Variants in ADGRL3 observed in about 807,000 individuals in gnomAD.
ADGRL3 encodes the protein calcium-independent alpha-latrotoxin receptor 3.
Under a neutral mutation model 153.5 loss-of-function variants are expected in ADGRL3, and 62 were observed. The ratio of observed to expected loss-of-function variants is 0.40; its 90% CI spans 0.33 to 0.50. ADGRL3 has a LOEUF of 0.50. Ranked by LOEUF, ADGRL3 falls within the 20% of genes least tolerant of loss-of-function variation. The probability of loss-of-function intolerance (pLI) is 0.47; values close to 1 mark genes in which losing one functional copy is unlikely to be tolerated. For missense variants in ADGRL3, 1,641 were observed against 1,859.4 expected, an observed-to-expected ratio of 0.88 and a Z score of 2.16; for synonymous variants, 710 against 672.5, an observed-to-expected ratio of 1.06 and a Z score of -0.86.
chr4:61,223,894 A>G (rs1240013485), intron 1 of ADGRL3, among the ~76,000 whole-genome samples: 2 of 152,188 alleles, frequency 1.3e-5, no homozygotes, highest in African/African-American at 4.8e-5. Flanking sequence ...ATGAGTTTAT[A>G]AAATGCTAGG....
intron 19 of ADGRL3, among the ~76,000 whole-genome samples, chr4:61,986,885 G>A (rs1294796848): frequency 6.6e-6 from 1 of 152,036 alleles, no homozygotes; most frequent in Non-Finnish European, 1.5e-5. Context: ...TTTTCCCACT[G>A]AAGAAGCAGA....
intron 24 of ADGRL3, among the ~76,000 whole-genome samples, chr4:62,043,963 AT>A (rs972698957): frequency 6.6e-6 from 1 of 151,980 alleles, no homozygotes; most frequent in Non-Finnish European, 1.5e-5. Flanking sequence ...GTTCAGTAGC[AT>A]TTTAATAATG....
intron 4 of ADGRL3, among the ~76,000 whole-genome samples, chr4:61,540,973 G>C (rs2098687200): frequency 6.6e-6 from 1 of 152,154 alleles, no homozygotes; most frequent in Non-Finnish European, 1.5e-5. Context: ...AGCTGTATAT[G>C]TTTAGTCACA....
intron 4 of ADGRL3, among the ~76,000 whole-genome samples, chr4:61,585,659 G>A (rs1230859424): frequency 1.3e-5 from 2 of 151,984 alleles, no homozygotes; most frequent in Non-Finnish European, 2.9e-5. Flanking sequence ...TTGACAGTTA[G>A]TAAACGCTTC....
intron 2 of ADGRL3, among the ~76,000 whole-genome samples, chr4:61,469,417 C>T (rs2097919362): frequency 6.6e-6 from 1 of 152,030 alleles, no homozygotes; most frequent in Non-Finnish European, 1.5e-5. Context: ...CCATTTCTGA[C>T]TAAGTAAAGA....
rs1326313636 is a variant in ADGRL3, at chr4:62,077,044, C to A, written c.*6136C>A. The A allele has an allele frequency of 6.6e-6, 1 of 151,756 alleles. No individual in the cohort carries two copies. The highest frequency in any genetic ancestry group is 1.5e-5 in the Non-Finnish European group (1 of 67,838). The allele number at this position is 151,756 out of a possible 1,614,324, so 9.4% of individuals were successfully genotyped here. ...CCAAATATTACTCTCAAGTTCTCTG[C>A]CTTTAATTATTATAGTCAATTCATA... On this transcript the variant is annotated 3_prime_UTR_variant, in exon 27 of 27. Coordinates refer to ENST00000683033, the MANE Select transcript of ADGRL3 (RefSeq NM_001387552.1).
chr4:61,728,264 C>A (rs1463813366), intron 6 of ADGRL3, among the ~76,000 whole-genome samples: 1 of 152,026 alleles, frequency 6.6e-6, no homozygotes, highest in Non-Finnish European at 1.5e-5. Flanking sequence ...CCTAATAAAT[C>A]TTCATTTTGA....
chr4:61,336,358 T>A (rs1427223596), intron 1 of ADGRL3, among the ~76,000 whole-genome samples: 2 of 152,194 alleles, frequency 1.3e-5, no homozygotes, highest in Admixed American at 6.5e-5. Flanking sequence ...TTGGTTGTTA[T>A]CCACACTCCA....
intron 1 of ADGRL3, among the ~76,000 whole-genome samples, chr4:61,265,737 T>C (rs2149687607): frequency 6.6e-6 from 1 of 152,008 alleles, no homozygotes; most frequent in African/African-American, 2.4e-5. Flanking sequence ...TAACATACTG[T>C]AGAGGTTCGT....
chr4:61,513,829 G>T (rs1256467378), intron 3 of ADGRL3, among the ~76,000 whole-genome samples: 2 of 152,108 alleles, frequency 1.3e-5, no homozygotes, highest in Non-Finnish European at 2.9e-5. Flanking sequence ...TGGATAGAAA[G>T]AACAAGATGC....
chr4:61,745,249 T>G (rs2096640125), intron 8 of ADGRL3, among the ~76,000 whole-genome samples: 1 of 152,146 alleles, frequency 6.6e-6, no homozygotes, highest in South Asian at 2.1e-4. Flanking sequence ...TACCTGAAAG[T>G]GATGGGGAGA....
At chr4:61,885,597 T>C (rs1401750850) in intron 9 of ADGRL3, among the ~76,000 whole-genome samples, 2 of 152,202 alleles carry the variant, frequency 1.3e-5, no homozygotes, top group Non-Finnish European at 2.9e-5. Flanking sequence ...GTCTGGACCA[T>C]AGTAACGCCT....
In ADGRL3 at chr4:62,017,091, A is replaced by G. The variant is rs2099215552; in HGVS notation, c.3396-11764A>G. ...AATAGATAGAACAACTTTTCTCTGC[A>G]CTCATTTGTGTTTTCTATGGAGATG... On this transcript the variant is annotated intron_variant, in intron 21 of 26. Coordinates refer to ENST00000683033, the MANE Select transcript of ADGRL3 (RefSeq NM_001387552.1). Among the ~76,000 whole-genome samples the G allele has an allele frequency of 2.0e-5, 3 of 152,042 alleles. No individual in the cohort carries two copies. In the South Asian group the frequency reaches 6.2e-4, roughly 31 times the overall value.
intron 2 of ADGRL3, among the ~76,000 whole-genome samples, chr4:61,486,494 A>G (rs2098195814): frequency 6.6e-6 from 1 of 152,156 alleles, no homozygotes; most frequent in Admixed American, 6.5e-5. Context: ...AGGCTCTAAG[A>G]TAGTAAAAAT....
At chr4:61,503,476 T>C (rs1205035869) in intron 3 of ADGRL3, among the ~76,000 whole-genome samples, 1 of 152,014 alleles carries the variant, frequency 6.6e-6, no homozygotes, top group Non-Finnish European at 1.5e-5. Context: ...CAATATAAAG[T>C]CATTGTTTTC....
chr4:61,442,656 T>C (rs1264286518), intron 2 of ADGRL3, among the ~76,000 whole-genome samples: 2 of 152,106 alleles, frequency 1.3e-5, no homozygotes, highest in East Asian at 3.9e-4. Flanking sequence ...TCCTTGAACA[T>C]CTGGGTTGGG....
At chr4:61,854,490 TA>T (rs572371183) in intron 9 of ADGRL3, among the ~76,000 whole-genome samples, 95 of 152,300 alleles carry the variant, frequency 6.2e-4, no homozygotes, top group African/African-American at 2.2e-3. Flanking sequence ...AAAAATTAAA[TA>T]ATGTAATATT....
At chr4:62,024,946 A>AC (rs773120534) in intron 21 of ADGRL3, among the ~76,000 whole-genome samples, 8 of 151,736 alleles carry the variant, frequency 5.3e-5, no homozygotes, top group Non-Finnish European at 1.2e-4. Context: ...AAAAAAAAAA[A>AC]AAATTCTGAA....
intron 4 of ADGRL3, among the ~76,000 whole-genome samples, chr4:61,543,800 A>G (rs1579437692): frequency 6.6e-6 from 1 of 152,190 alleles, no homozygotes. Flanking sequence ...TTTTCACACA[A>G]TGCTATATTT....
Sources: gnomAD v4.1 joint callset for allele counts (sites outside exome capture counted in the v4.1 genomes callset) on GRCh38, gnomAD v4.1.1 for gene constraint, MANE v1.5 for transcripts, NCBI Gene and HGNC (gene_info 2026-07-23, HGNC 2026-07-21) for gene names.